The following ITGBL1 variants were observed in gnomAD, a reference collection of about 807,000 sequenced individuals.
ITGBL1 encodes integrin beta-like protein 1.
A neutral mutation model predicts 68.5 loss-of-function variants in ITGBL1; 51 were observed. That is an observed-to-expected ratio of 0.74 (90% CI 0.59 to 0.94). ITGBL1 has a LOEUF of 0.94. Ranked by LOEUF, ITGBL1 falls within the 40% of genes least tolerant of loss-of-function variation. The pLI is 0.00. For missense variants in ITGBL1, 649 were observed against 647.4 expected, an observed-to-expected ratio of 1.00 and a Z score of -0.03; for synonymous variants, 209 against 227.3, an observed-to-expected ratio of 0.92 and a Z score of 0.72.
chr13:101,526,746 T>A (rs2049386771), intron 2 of ITGBL1, among the ~76,000 whole-genome samples: 1 of 144,562 alleles, frequency 6.9e-6, no homozygotes, highest in Non-Finnish European at 1.5e-5. Flanking sequence ...TTAGCATTTT[T>A]CTATAATATA....
chr13:101,564,435 G>A (rs1423815033), intron 2 of ITGBL1, among the ~76,000 whole-genome samples: 1 of 151,472 alleles, frequency 6.6e-6, no homozygotes, highest in East Asian at 1.9e-4. Context: ...TCACAAATTG[G>A]GAGAGAATAT....
At chr13:101,676,141 T>C (rs1262271059) in intron 7 of ITGBL1, among the ~76,000 whole-genome samples, 1 of 152,168 alleles carries the variant, frequency 6.6e-6, no homozygotes, top group Non-Finnish European at 1.5e-5. Flanking sequence ...TTCTATTGTC[T>C]GTTTTTTTCT....
intron 8 of ITGBL1, among the ~76,000 whole-genome samples, chr13:101,694,459 T>C (rs1274903199): frequency 6.6e-6 from 1 of 152,122 alleles, no homozygotes. Flanking sequence ...AGTCTCACTC[T>C]GTCACCCAGG....
chr13:101,513,580 G>T (rs2049148765), intron 2 of ITGBL1, among the ~76,000 whole-genome samples: 1 of 152,046 alleles, frequency 6.6e-6, no homozygotes, highest in African/African-American at 2.4e-5. Context: ...TTTTAAAAGA[G>T]AAATTATATA....
intron 2 of ITGBL1, among the ~76,000 whole-genome samples, chr13:101,510,469 A>C (rs1273357850): frequency 3.9e-5 from 6 of 152,080 alleles, no homozygotes; most frequent in African/African-American, 1.4e-4. Flanking sequence ...AGCAGTGAAC[A>C]TCTGAATGCA....
chr13:101,636,324 C>T (rs1027524542), intron 7 of ITGBL1, among the ~76,000 whole-genome samples: 2 of 152,104 alleles, frequency 1.3e-5, no homozygotes, highest in African/African-American at 2.4e-5. Flanking sequence ...TCCTTTAATA[C>T]TCAAACATAT....
At chr13:101,717,908 A>G (rs577510064), downstream of ITGBL1, 5 of 152,258 alleles carry the variant, frequency 3.3e-5, no homozygotes, top group East Asian at 9.7e-4. Flanking sequence ...AACAACAACA[A>G]CTACAACAAA....
chr13:101,549,800 A>G (rs1343502812), intron 2 of ITGBL1, among the ~76,000 whole-genome samples: 1 of 152,036 alleles, frequency 6.6e-6, no homozygotes, highest in Non-Finnish European at 1.5e-5. Flanking sequence ...TGGTAAGTGT[A>G]TTCTTACACA....
chr13:101,500,225 A>T (rs1371978758), intron 2 of ITGBL1, among the ~76,000 whole-genome samples: 2 of 152,214 alleles, frequency 1.3e-5, no homozygotes, highest in Non-Finnish European at 2.9e-5. Flanking sequence ...AAAATATATT[A>T]TGCAGTATCT....
chr13:101,692,685 T>C lies in ITGBL1; in HGVS notation c.1116T>C (p.Asp372=). The C allele has an allele frequency of 6.2e-7, 1 of 1,611,020 alleles. No homozygotes were observed. Among genetic ancestry groups the C allele is most frequent in the South Asian group, 1.1e-5 (1 of 91,022 alleles). ...ATGATCGCCGCTGTGAAGACCTCGA[T>C]GGTGTGGTCTGTGGAGGTAGTAACC... ...ECDDRRCEDL[D]GVVCGGHGTC... Residue 372 remains aspartate (D), a synonymous_variant, in exon 8 of 11, where the codon GAT becomes GAC. Coordinates refer to ENST00000376180, the MANE Select transcript of ITGBL1 (RefSeq NM_004791.3).
intron 7 of ITGBL1, among the ~76,000 whole-genome samples, chr13:101,668,654 G>A (rs187631669): frequency 4.6e-5 from 7 of 152,162 alleles, no homozygotes; most frequent in Admixed American, 4.6e-4. Flanking sequence ...GAATAATCTG[G>A]TATAATTGTT....
chr13:101,498,979 T>A (rs1302533218), intron 2 of ITGBL1, among the ~76,000 whole-genome samples: 2 of 152,148 alleles, frequency 1.3e-5, no homozygotes, highest in African/African-American at 4.8e-5. Context: ...CTCATGAGAC[T>A]TATTCACTAC....
At position 101,565,987 on chromosome 13, in the gene ITGBL1, T is replaced by G. The variant is rs368580643; in HGVS notation, c.317-1712T>G. 2.4e-4 allele frequency among the ~76,000 whole-genome samples: 37 copies of G among 152,250 alleles called. No individual in the cohort carries two copies. In the East Asian group the frequency reaches 3.9e-3, roughly 16 times the overall value. On this transcript the variant is annotated intron_variant, in intron 2 of 10. Transcript: ENST00000376180. ...AAAGATGTTCCTTTGACCCACAAAT[T>G]ATTTCCCATCTCTACTGTGTATACT...
chr13:101,556,191 A>G (rs9513920), intron 2 of ITGBL1, among the ~76,000 whole-genome samples: 119,774 of 152,082 alleles, frequency 0.79, 47,158 homozygotes, highest in South Asian at 0.81. Context: ...GTTGAACTGG[A>G]TCTCCCCAAA....
chr13:101,550,120 A>G (rs2049896736), intron 2 of ITGBL1, among the ~76,000 whole-genome samples: 1 of 152,140 alleles, frequency 6.6e-6, no homozygotes, highest in African/African-American at 2.4e-5. Flanking sequence ...TGGGATATAG[A>G]TATGTTTAGA....
intron 2 of ITGBL1, among the ~76,000 whole-genome samples, chr13:101,533,225 A>G (rs998010449): frequency 1.3e-5 from 2 of 152,210 alleles, no homozygotes; most frequent in Non-Finnish European, 2.9e-5. Flanking sequence ...CTAAAAGGAC[A>G]CTGACTTTCA....
At chr13:101,564,695 T>C (rs1354513518) in intron 2 of ITGBL1, among the ~76,000 whole-genome samples, 1 of 149,824 alleles carries the variant, frequency 6.7e-6, no homozygotes, top group Admixed American at 6.7e-5. Context: ...CATATACATG[T>C]ATGTATAAAT....
chr13:101,685,497 ATTGT>A (rs1179800331), intron 7 of ITGBL1, among the ~76,000 whole-genome samples: 1 of 152,064 alleles, frequency 6.6e-6, no homozygotes, highest in Admixed American at 6.6e-5. Context: ...TCTTTATTAT[ATTGT>A]TTGTCTAATT....
At chr13:101,711,221 A>G (rs1462377614) in intron 9 of ITGBL1, 1 of 152,226 alleles carries the variant, frequency 6.6e-6, no homozygotes, top group Non-Finnish European at 1.5e-5. Context: ...TGACTACTTC[A>G]AGCTAGATCC....
Sources: allele counts gnomAD v4.1 joint callset (sites outside exome capture counted in the v4.1 genomes callset), GRCh38; gene constraint gnomAD v4.1.1; transcripts MANE v1.5; gene names NCBI Gene and HGNC (gene_info 2026-07-23, HGNC 2026-07-21).